Variants in DLC1 observed in about 807,000 individuals in gnomAD.
The protein encoded by DLC1 is DLC1 Rho GTPase activating protein.
A neutral mutation model predicts 140.3 loss-of-function variants in DLC1; 54 were observed. That is an observed-to-expected ratio of 0.38 (90% CI 0.31 to 0.48). The LOEUF is 0.48. Among genes scored for constraint, DLC1 ranks in the 20% least tolerant of loss-of-function variants. DLC1 has a pLI of 0.96. For missense variants in DLC1, 2,536 were observed against 1,907.0 expected (o/e 1.33, Z -6.14); for synonymous variants, 986 against 728.1 (o/e 1.35, Z -5.70).
intron 5 of DLC1, among the ~76,000 whole-genome samples, chr8:13,229,052 C>T (rs1409097000): frequency 2.0e-5 from 3 of 152,266 alleles, no homozygotes; most frequent in South Asian, 2.1e-4. Context: ...GTAGCATTGC[C>T]ATGTGACCCA....
At chr8:13,265,201 T>C (rs1830635463) in intron 5 of DLC1, among the ~76,000 whole-genome samples, 1 of 152,214 alleles carries the variant, frequency 6.6e-6, no homozygotes, top group Non-Finnish European at 1.5e-5. Context: ...TTATGGTCTT[T>C]TATTAATTCA....
In DLC1 at chr8:13,157,682, C is replaced by T. The variant is rs1474546099; in HGVS notation, c.1349-42025G>A. 5.3e-5 allele frequency among the ~76,000 whole-genome samples: 8 copies of T among 152,178 alleles called. No homozygotes were observed. The East Asian group carries it at 1.3e-3, about 26-fold the overall frequency. On this transcript the variant is annotated intron_variant, in intron 5 of 17. Transcript: ENST00000276297. ...ATGTCTTCAAAAATGCTATCCTGAG[C>T]TCTAGAATTTAAATGCTAACAGGGT...
intron 4 of DLC1, among the ~76,000 whole-genome samples, chr8:13,345,055 G>A (rs1444696349): frequency 1.3e-5 from 2 of 152,066 alleles, no homozygotes; most frequent in Non-Finnish European, 2.9e-5. Flanking sequence ...TGAATTTTAG[G>A]GTGAGTCCCT....
At chr8:13,183,992 A>C (rs1263059727) in intron 5 of DLC1, among the ~76,000 whole-genome samples, 1 of 152,116 alleles carries the variant, frequency 6.6e-6, no homozygotes, top group Non-Finnish European at 1.5e-5. Flanking sequence ...TCAATTTCAG[A>C]GCCTGTTATT....
chr8:13,260,866 C>T (rs1228627689), intron 5 of DLC1, among the ~76,000 whole-genome samples: 2 of 152,140 alleles, frequency 1.3e-5, no homozygotes, highest in Admixed American at 6.6e-5. Flanking sequence ...GATGCTTTGC[C>T]TCAAATTCCC....
chr8:13,156,911 T>A (rs1260067787), intron 5 of DLC1, among the ~76,000 whole-genome samples: 1 of 152,234 alleles, frequency 6.6e-6, no homozygotes, highest in Non-Finnish European at 1.5e-5. Context: ...ATAGCCACTG[T>A]CTATTGCCTT....
rs142881916 is a variant in DLC1 at position 13,378,998 on chromosome 8, G to A, written c.1314+14555C>T. 1.0e-3 allele frequency among the ~76,000 whole-genome samples: 153 copies of A among 152,208 alleles called. No individual in the cohort carries two copies. The Middle Eastern group carries it at 0.01, about 10-fold the overall frequency. ...GATATTGAAATAATTTTAAGTTTTT[G>A]CCTCAAGCTTTTAAATGGCATCAGA... On this transcript the variant is annotated intron_variant, in intron 4 of 17. Coordinates refer to ENST00000276297, the MANE Select transcript of DLC1 (RefSeq NM_182643.3).
intron 5 of DLC1, among the ~76,000 whole-genome samples, chr8:13,230,597 C>CT (rs548424340): frequency 0.021 from 2,808 of 133,544 alleles, 55 homozygotes; most frequent in African/African-American, 0.049. Flanking sequence ...TTTCTTTTTT[C>CT]TTTTTTTTTT....
At chr8:13,259,344 T>G (rs1054267593) in intron 5 of DLC1, among the ~76,000 whole-genome samples, 1 of 152,116 alleles carries the variant, frequency 6.6e-6, no homozygotes, top group East Asian at 1.9e-4. Flanking sequence ...CCACAGTGAT[T>G]TGAATTTTAA....
intron 2 of DLC1, among the ~76,000 whole-genome samples, chr8:13,471,953 C>T (rs1029325359): frequency 3.3e-5 from 5 of 152,158 alleles, no homozygotes; most frequent in African/African-American, 9.6e-5. Flanking sequence ...CACAAAAATC[C>T]CAAAAGTTTC....
At chr8:13,127,843 G>A (rs1243296286) in intron 5 of DLC1, among the ~76,000 whole-genome samples, 1 of 152,236 alleles carries the variant, frequency 6.6e-6, no homozygotes, top group Non-Finnish European at 1.5e-5. Flanking sequence ...ACACTCAAAG[G>A]TGGGGCAGGG....
intron 3 of DLC1, among the ~76,000 whole-genome samples, chr8:13,397,691 C>G (rs1299442816): frequency 6.6e-6 from 1 of 150,722 alleles, no homozygotes; most frequent in Non-Finnish European, 1.5e-5. Context: ...AAAAAATTAG[C>G]CAGGCATGGT....
At chr8:13,544,980 C>T (rs1049124384) in intron 1 of DLC1, among the ~76,000 whole-genome samples, 17 of 152,208 alleles carry the variant, frequency 1.1e-4, no homozygotes, top group Admixed American at 3.3e-4. Flanking sequence ...TAATAGCACC[C>T]CCCCTGGAAC....
At chr8:13,472,720 G>A (rs549118147) in intron 2 of DLC1, among the ~76,000 whole-genome samples, 2 of 152,284 alleles carry the variant, frequency 1.3e-5, no homozygotes, top group Admixed American at 1.3e-4. Context: ...CTCCTAGTAG[G>A]AGGGATTCCC....
chr8:13,371,316 A>C (rs1319527634), intron 4 of DLC1, among the ~76,000 whole-genome samples: 1 of 152,130 alleles, frequency 6.6e-6, no homozygotes, highest in African/African-American at 2.4e-5. Context: ...AAGTCATTTT[A>C]ATGTATTCTG....
chr8:13,544,864 C>A (rs887285705), intron 1 of DLC1, among the ~76,000 whole-genome samples: 2 of 152,044 alleles, frequency 1.3e-5, no homozygotes, highest in Non-Finnish European at 2.9e-5. Context: ...TTCTATAATG[C>A]TGCTTAAATA....
At chr8:13,114,994 A>G (rs1820432110) in intron 6 of DLC1, among the ~76,000 whole-genome samples, 1 of 152,220 alleles carries the variant, frequency 6.6e-6, no homozygotes, top group African/African-American at 2.4e-5. Context: ...AAGATGAATC[A>G]TTATGCATGT....
At chr8:13,214,633 A>T (rs1828106637) in intron 5 of DLC1, 1 of 771,118 alleles carries the variant, frequency 1.3e-6, no homozygotes, top group Non-Finnish European at 2.4e-6. Context: ...GGCCTAGGTG[A>T]TGTTTTCTTC....
intron 1 of DLC1, among the ~76,000 whole-genome samples, chr8:13,552,338 CTGAT>C (rs1490616850): frequency 6.7e-6 from 1 of 149,614 alleles, no homozygotes. Flanking sequence ...TTGGATCTGA[CTGAT>C]TGGTTAATAA....
Sources: gnomAD v4.1 joint callset for allele counts (sites outside exome capture counted in the v4.1 genomes callset) on GRCh38, gnomAD v4.1.1 for gene constraint, MANE v1.5 for transcripts, NCBI Gene and HGNC (gene_info 2026-07-23, HGNC 2026-07-21) for gene names.